The following ELMO1 variants were observed in gnomAD, a reference collection of about 807,000 sequenced individuals.
The protein encoded by ELMO1 is engulfment and cell motility 1, also known as engulfment and cell motility protein 1.
A neutral mutation model predicts 98.9 loss-of-function variants in ELMO1; 26 were observed. The observed-to-expected ratio is 0.26, with a 90% CI of 0.19 to 0.36. The LOEUF is 0.36. Ranked by LOEUF, ELMO1 falls within the 10% of genes least tolerant of loss-of-function variation. The pLI is 1.00. For synonymous variants in ELMO1, 346 were observed against 346.0 expected (o/e 1.00, Z 0.00); for missense variants, 627 against 935.2 (o/e 0.67, Z 4.30).
chr7:37,385,117 C>T (rs1262773430), intron 1 of ELMO1, among the ~76,000 whole-genome samples: 1 of 152,354 alleles, frequency 6.6e-6, no homozygotes. Flanking sequence ...CTGGACAGTG[C>T]CGAAAAGTCC....
chr7:37,159,591 T>A (rs1024092717), intron 13 of ELMO1, among the ~76,000 whole-genome samples: 2 of 152,042 alleles, frequency 1.3e-5, no homozygotes, highest in Non-Finnish European at 2.9e-5. Flanking sequence ...TCCCAGCTAC[T>A]GGGGAGGCTG....
chr7:37,206,734 AT>A (rs1167973241), intron 13 of ELMO1, among the ~76,000 whole-genome samples: 1 of 151,890 alleles, frequency 6.6e-6, no homozygotes, highest in Non-Finnish European at 1.5e-5. Context: ...CATTTTAGTC[AT>A]TTTTCCCTCC....
chr7:36,918,204 C>T (rs1158507204), intron 16 of ELMO1, among the ~76,000 whole-genome samples: 1 of 152,034 alleles, frequency 6.6e-6, no homozygotes, highest in African/African-American at 2.4e-5. Flanking sequence ...GAGCAGTATG[C>T]ATAACTCAAC....
At chr7:37,198,678 C>T (rs940941088) in intron 13 of ELMO1, among the ~76,000 whole-genome samples, 1 of 152,218 alleles carries the variant, frequency 6.6e-6, no homozygotes, top group Non-Finnish European at 1.5e-5. Context: ...GTTTCTTTGC[C>T]CTTGGTTCCC....
At chr7:37,037,316 T>C (rs1255474206) in intron 15 of ELMO1, among the ~76,000 whole-genome samples, 3 of 152,210 alleles carry the variant, frequency 2.0e-5, no homozygotes, top group Non-Finnish European at 4.4e-5. Flanking sequence ...TGATTTTCAA[T>C]AACCTTTCAT....
chr7:37,315,984 T>A, intron 2 of ELMO1, 24 bp from the exon 3 acceptor site: 1 of 1,343,474 alleles, frequency 7.4e-7, no homozygotes, highest in Non-Finnish European at 9.8e-7. Flanking sequence ...AAAAAGGAAA[T>A]ACTTGTTAGT....
At chr7:37,034,722 T>C (rs1275709052) in intron 15 of ELMO1, among the ~76,000 whole-genome samples, 7 of 152,324 alleles carry the variant, frequency 4.6e-5, no homozygotes, top group South Asian at 2.1e-4. Context: ...GCAAGTAGAC[T>C]GTTTCAGTTT....
chr7:37,222,585 T>C, intron 10 of ELMO1, 30 bp downstream of exon 10: 1 of 1,606,936 alleles, frequency 6.2e-7, no homozygotes, highest in Non-Finnish European at 8.5e-7. Context: ...AGCCTTGACA[T>C]AGCCATAAGA....
chr7:37,419,864 A>C (rs965630421), intron 1 of ELMO1: 10 of 152,224 alleles, frequency 6.6e-5, no homozygotes, highest in Admixed American at 5.9e-4. Flanking sequence ...CATTTATTTC[A>C]GTAATTTTTA....
intron 13 of ELMO1, among the ~76,000 whole-genome samples, chr7:37,174,639 A>G (rs2160429): frequency 0.92 from 139,276 of 152,130 alleles, 64,162 homozygotes; most frequent in Non-Finnish European, 0.97. Flanking sequence ...GGCATGCCCC[A>G]TGCCCACTAG....
chr7:37,416,876 G>A (rs1804238432), intron 1 of ELMO1, among the ~76,000 whole-genome samples: 1 of 152,170 alleles, frequency 6.6e-6, no homozygotes, highest in African/African-American at 2.4e-5. Context: ...TGTGTTTTGT[G>A]GCACTGAAAG....
chr7:37,016,702 G>A (rs898554380), intron 15 of ELMO1, among the ~76,000 whole-genome samples: 4 of 152,166 alleles, frequency 2.6e-5, no homozygotes, highest in African/African-American at 7.2e-5. Context: ...CAGCAGCCAC[G>A]CACCGGGCAC....
chr7:37,108,869 C>A (rs1785082725), intron 14 of ELMO1, among the ~76,000 whole-genome samples: 1 of 152,240 alleles, frequency 6.6e-6, no homozygotes, highest in African/African-American at 2.4e-5. Context: ...CCATCCCTTA[C>A]ATGAATACCA....
In ELMO1 at chr7:37,217,079, T is replaced by A. The variant is rs1793327690; in HGVS notation, c.781-384A>T. Among the ~76,000 whole-genome samples the A allele has an allele frequency of 2.0e-5, 3 of 152,218 alleles. 1 individual carries two copies. The South Asian group carries it at 6.2e-4, about 32-fold the overall frequency. ...GCTTTTATTAGGCAACACATGCCTGTAGCAAGGAGATTCCAGTATCTTCTA... is the reference window on the plus strand; with the variant it reads ...GCTTTTATTAGGCAACACATGCCTGAAGCAAGGAGATTCCAGTATCTTCTA... On this transcript the variant is annotated intron_variant, in intron 10 of 21. Coordinates refer to ENST00000310758, the MANE Select transcript of ELMO1 (RefSeq NM_014800.11).
intron 17 of ELMO1, among the ~76,000 whole-genome samples, chr7:36,889,800 C>A (rs905805538): frequency 6.6e-6 from 1 of 152,178 alleles, no homozygotes; most frequent in African/African-American, 2.4e-5. Flanking sequence ...TCTGCTGCTA[C>A]AAGAGTTACT....
intron 1 of ELMO1, chr7:37,429,719 C>G (rs1804854775): frequency 6.6e-6 from 1 of 152,212 alleles, no homozygotes; most frequent in South Asian, 2.1e-4. Flanking sequence ...TAATAATCCT[C>G]TATGGAGGGC....
chr7:37,119,017 G>A (rs1204748578), intron 14 of ELMO1, among the ~76,000 whole-genome samples: 1 of 152,138 alleles, frequency 6.6e-6, no homozygotes, highest in African/African-American at 2.4e-5. Flanking sequence ...GTGTGACTTT[G>A]GACAAACCAC....
chr7:37,066,686 CT>C (rs1307338578), intron 15 of ELMO1, among the ~76,000 whole-genome samples: 1 of 152,146 alleles, frequency 6.6e-6, no homozygotes, highest in Non-Finnish European at 1.5e-5. Flanking sequence ...GATGGATATG[CT>C]AATTATCCTG....
At chr7:37,213,190 G>C (rs1793077666) in intron 12 of ELMO1, 145 bp downstream of exon 12, 1 of 1,022,482 alleles carries the variant, frequency 9.8e-7, no homozygotes, top group African/African-American at 1.6e-5. Flanking sequence ...TAATTTTGAA[G>C]CCATGCCCCT....
Sources: allele counts gnomAD v4.1 joint callset (sites outside exome capture counted in the v4.1 genomes callset), GRCh38; gene constraint gnomAD v4.1.1; transcripts MANE v1.5; gene names NCBI Gene and HGNC (gene_info 2026-07-23, HGNC 2026-07-21).